The following RARB variants were observed in gnomAD, a reference collection of about 807,000 sequenced individuals.
RARB encodes the protein retinoic acid receptor beta, also known as HBV-activated protein.
RARB carries 17 observed loss-of-function variants against 51.9 expected under a neutral mutation model. The ratio of observed to expected loss-of-function variants is 0.33; its 90% CI spans 0.22 to 0.49. The LOEUF is 0.49. Among genes scored for constraint, RARB ranks in the 20% least tolerant of loss-of-function variants. RARB has a pLI of 0.99. For synonymous variants in RARB, 215 were observed against 195.4 expected (o/e 1.10, Z -0.84); for missense variants, 369 against 550.8 (o/e 0.67, Z 3.30).
chr3:25,042,360 CTG>C (rs1698130563), intron 2 of RARB, among the ~76,000 whole-genome samples: 1 of 152,164 alleles, frequency 6.6e-6, no homozygotes, highest in Non-Finnish European at 1.5e-5. Flanking sequence ...ACTTCTGAAA[CTG>C]TGTCCAGAGC....
At chr3:25,107,854 C>A (rs995767194) in intron 3 of RARB, among the ~76,000 whole-genome samples, 13 of 152,138 alleles carry the variant, frequency 8.5e-5, no homozygotes, top group African/African-American at 3.1e-4. Context: ...TACTGTAGAT[C>A]TTAGCAACCT....
chr3:25,569,611 G>C, intron 3 of RARB, 147 bp from the exon 4 acceptor site: 1 of 907,302 alleles, frequency 1.1e-6, no homozygotes, highest in South Asian at 1.7e-5. Context: ...CCTTTTCCAG[G>C]GAGGTGTGTT....
At chr3:25,440,502 G>A (rs1025896905) in intron 1 of RARB, among the ~76,000 whole-genome samples, 4 of 151,782 alleles carry the variant, frequency 2.6e-5, no homozygotes, top group Non-Finnish European at 5.9e-5. Context: ...GCCAGGCATG[G>A]TGGCTCACAC....
At chr3:25,181,040 G>C (rs1473401313) in intron 5 of RARB, among the ~76,000 whole-genome samples, 1 of 152,160 alleles carries the variant, frequency 6.6e-6, no homozygotes, top group Admixed American at 6.5e-5. Flanking sequence ...CAGTGGTGGG[G>C]CTGGGCTTGA....
chr3:25,069,181 A>G (rs920995220), intron 3 of RARB, among the ~76,000 whole-genome samples: 1 of 152,186 alleles, frequency 6.6e-6, no homozygotes, highest in African/African-American at 2.4e-5. Context: ...GAAAGCAAGC[A>G]ATTAGGCTAG....
At chr3:25,564,545 C>T (rs1191867662) in intron 3 of RARB, among the ~76,000 whole-genome samples, 2 of 152,186 alleles carry the variant, frequency 1.3e-5, no homozygotes, top group Non-Finnish European at 2.9e-5. Context: ...AAGAAAGAGG[C>T]TCAGGTGAAC....
chr3:24,835,040 T>C (rs971762217), intron 1 of RARB, among the ~76,000 whole-genome samples: 1 of 152,196 alleles, frequency 6.6e-6, no homozygotes, highest in African/African-American at 2.4e-5. Flanking sequence ...CCTTTTAAAT[T>C]GTCTTTCTTC....
At chr3:25,565,311 T>C (rs1410303798) in intron 3 of RARB, among the ~76,000 whole-genome samples, 2 of 152,176 alleles carry the variant, frequency 1.3e-5, no homozygotes, top group Non-Finnish European at 2.9e-5. Context: ...TATTAGGTTG[T>C]TGTAAGGATT....
chr3:25,461,268 A>G lies in RARB; in HGVS notation c.233A>G (p.Tyr78Cys). The change falls in exon 2 of 8, where the codon TAC becomes TGC. Residue 78 changes from tyrosine to cysteine, a missense_variant. By Grantham distance (194) the Tyr-to-Cys change is radical. This residue lies in a region of RARB where 99 missense variants were observed against 95.1 expected (regional missense o/e 1.04). Transcript: ENST00000330688. ...PPSPLPPPRV[Y>C]KPCFVCQDKS... ...TCTCCACTTCCTCCCCCTCGAGTGT[A>G]CAAACCCTGCTTCGTCTGCCAGGAC... 6.2e-7 allele frequency: 1 copy of G among 1,613,292 alleles called. No individual in the cohort carries two copies. The highest frequency in any genetic ancestry group is 8.5e-7 in the Non-Finnish European group (1 of 1,179,718).
chr3:25,401,191 A>G (rs948634814), intron 5 of RARB, among the ~76,000 whole-genome samples: 5 of 152,190 alleles, frequency 3.3e-5, no homozygotes, highest in African/African-American at 1.2e-4. Flanking sequence ...CTAGAGGACA[A>G]CACCATAAGG....
chr3:25,414,960 G>T (rs920050876), intron 5 of RARB, among the ~76,000 whole-genome samples: 1 of 152,112 alleles, frequency 6.6e-6, no homozygotes, highest in Non-Finnish European at 1.5e-5. Context: ...TCCTGACTCA[G>T]CCTCCCGAGT....
chr3:25,090,869 G>A (rs1440821507), intron 3 of RARB, among the ~76,000 whole-genome samples: 27 of 152,066 alleles, frequency 1.8e-4, no homozygotes, highest in Non-Finnish European at 1.6e-4. Context: ...TTTCATGTGG[G>A]GGAAAGAGAT....
At chr3:25,345,989 T>C (rs1449275613) in intron 5 of RARB, 3 of 599,192 alleles carry the variant, frequency 5.0e-6, no homozygotes, top group Non-Finnish European at 6.3e-6. Context: ...CTGGCTCCGA[T>C]GAGTAGTTCT....
At chr3:25,130,933 G>GACA (rs1699939284) in intron 3 of RARB, among the ~76,000 whole-genome samples, 1 of 18,214 alleles carries the variant, frequency 5.5e-5, no homozygotes. Context: ...ATTTATCATT[G>GACA]ATAATATCAA....
chr3:24,985,629 G>C (rs1696772826), intron 2 of RARB, among the ~76,000 whole-genome samples: 1 of 152,184 alleles, frequency 6.6e-6, no homozygotes, highest in African/African-American at 2.4e-5. Context: ...ATAAAGAATA[G>C]ATGTTTGCCA....
At chr3:25,484,382 G>A (rs1216404171) in intron 2 of RARB, among the ~76,000 whole-genome samples, 1 of 151,908 alleles carries the variant, frequency 6.6e-6, no homozygotes, top group Non-Finnish European at 1.5e-5. Flanking sequence ...TGATAATTAG[G>A]GTGTATGTGT....
intron 4 of RARB, among the ~76,000 whole-genome samples, chr3:25,168,552 AT>A (rs1351910155): frequency 5.3e-5 from 8 of 152,336 alleles, no homozygotes; most frequent in South Asian, 2.1e-4. Flanking sequence ...ATCCTAAAAA[AT>A]ATCAGAAAAT....
At chr3:25,375,912 T>C (rs1162809137) in intron 5 of RARB, among the ~76,000 whole-genome samples, 7 of 152,188 alleles carry the variant, frequency 4.6e-5, no homozygotes, top group African/African-American at 1.4e-4. Context: ...ACTAGCTATG[T>C]GGCCTTGAGG....
chr3:24,859,945 A>G (rs1387678539), intron 2 of RARB, among the ~76,000 whole-genome samples: 1 of 151,998 alleles, frequency 6.6e-6, no homozygotes, highest in Non-Finnish European at 1.5e-5. Flanking sequence ...TTTCTTTTCC[A>G]TCTCAAAGGT....
Sources: allele counts gnomAD v4.1 joint callset (sites outside exome capture counted in the v4.1 genomes callset), GRCh38; gene constraint gnomAD v4.1.1; regional missense constraint gnomAD v4.1.1; transcripts MANE v1.5; gene names NCBI Gene and HGNC (gene_info 2026-07-23, HGNC 2026-07-21).